Variants in CEP76 observed in about 807,000 individuals in gnomAD.
The protein encoded by CEP76 is centrosomal protein of 76 kDa.
In CEP76, 55 loss-of-function variants were observed where a neutral mutation model predicts 83.3. The ratio of observed to expected loss-of-function variants is 0.66; its 90% CI spans 0.53 to 0.83. The LOEUF (loss-of-function observed/expected upper bound fraction) is 0.83. Ranked by LOEUF, CEP76 falls within the 40% of genes least tolerant of loss-of-function variation. CEP76 has a pLI of 0.00. For missense variants in CEP76, 694 were observed against 799.5 expected (o/e 0.87, Z 1.59); for synonymous variants, 270 against 274.5 (o/e 0.98, Z 0.16).
chr18:12,694,994 C>T (rs1433359371), intron 6 of CEP76, among the ~76,000 whole-genome samples: 3 of 152,062 alleles, frequency 2.0e-5, no homozygotes, highest in African/African-American at 4.8e-5. Context: ...GGACTACAGG[C>T]GTGAGCCACC....
At chr18:12,671,642 CTTTTTTTTT>C (rs869130220), downstream of CEP76, among the ~76,000 whole-genome samples, 3 of 55,544 alleles carry the variant, frequency 5.4e-5, no homozygotes, top group South Asian at 5.5e-4. Context: ...TTCACACTTT[CTTTTTTTTT>C]TTTTTTTTTT....
rs1458387999 is a variant in CEP76, at chr18:12,674,637, T to C, written c.1740A>G (p.Gln580=). 2 of 1,614,006 alleles carry C rather than the reference T, an allele frequency of 1.2e-6. No individual in the cohort carries two copies. Among genetic ancestry groups the C allele is most frequent in the Non-Finnish European group, 1.7e-6 (2 of 1,179,930 alleles). ...CAGGTACAGCCCTTCTTATGGCATC[T>C]TGAAATTCTTCATTGCCTGCTGATA... is the stretch of plus-strand genomic sequence containing the variant. ...TSISAGNEEF[Q]DAIRRAVPDG... is the part of the protein sequence containing the mutation. Residue 580 remains glutamine, a synonymous_variant, in exon 11 of 12, where the codon CAA becomes CAG. Coordinates refer to ENST00000262127, the MANE Select transcript of CEP76 (RefSeq NM_024899.4).
chr18:12,681,255 CATT>C (rs1177514571), intron 8 of CEP76, among the ~76,000 whole-genome samples: 12 of 114,858 alleles, frequency 1.0e-4, no homozygotes, highest in Middle Eastern at 9.9e-3. Flanking sequence ...AAAAGTAGAA[CATT>C]TTTTTTTTTT....
intron 11 of CEP76, among the ~76,000 whole-genome samples, chr18:12,674,056 A>G (rs915198443): frequency 2.6e-5 from 4 of 152,138 alleles, no homozygotes; most frequent in Admixed American, 2.0e-4. Flanking sequence ...CTAGGGCTAC[A>G]TTTCAGACCA....
At chr18:12,662,349 A>T (rs1260793849) in intron 12 of CEP76, among the ~76,000 whole-genome samples, 1 of 152,228 alleles carries the variant, frequency 6.6e-6, no homozygotes, top group African/African-American at 2.4e-5. Flanking sequence ...TATCTTACAG[A>T]AGAGAAAATA....
intron 8 of CEP76, among the ~76,000 whole-genome samples, chr18:12,682,901 C>T (rs1247834994): frequency 6.6e-6 from 1 of 152,048 alleles, no homozygotes; most frequent in East Asian, 1.9e-4. Context: ...CGATTACAGG[C>T]ATGAGCCACT....
chr18:12,702,451 G>C, intron 1 of CEP76, 35 bp downstream of exon 1: 5 of 1,526,664 alleles, frequency 3.3e-6, no homozygotes, highest in Non-Finnish European at 4.5e-6. Flanking sequence ...TTATGGGTCG[G>C]CCCGGCGGTC....
At position 12,699,133 on chromosome 18, in the gene CEP76, C is replaced by G; in HGVS notation, c.366G>C (p.Leu122=). 1 of 1,613,992 alleles carries G rather than the reference C, an allele frequency of 6.2e-7. No individual in the cohort carries two copies. The highest frequency in any genetic ancestry group is 8.5e-7 in the Non-Finnish European group (1 of 1,179,930). The change falls in exon 4 of 12, where the codon CTG becomes CTC. Residue 122 remains leucine, a synonymous_variant. Coordinates refer to ENST00000262127, the MANE Select transcript of CEP76 (RefSeq NM_024899.4). ...VLGGKAFLEH[L]QEPEPLPGQV... is the part of the protein sequence containing the mutation. ...GTCCAGGTAAAGGCTCAGGTTCTTG[C>G]AGATGTTCCAAGAAAGCTTTTCCAC... is the stretch of plus-strand genomic sequence containing the variant.
chr18:12,678,076 G>A, intron 10 of CEP76, 33 bp downstream of exon 10: 2 of 1,527,354 alleles, frequency 1.3e-6, no homozygotes, highest in Non-Finnish European at 9.0e-7. Context: ...ATGAAAAGAA[G>A]TATGAAACTA....
At position 12,673,227 on chromosome 18, in the gene CEP76, T is replaced by A. The variant is rs1417933118; in HGVS notation, c.*138A>T. ...CATGATTTTTTTTAAACATTACCAG[T>A]CAAGTATATACAAAATTGAAGTATG... On this transcript the variant is annotated 3_prime_UTR_variant, in exon 12 of 12. Coordinates refer to ENST00000262127, the MANE Select transcript of CEP76 (RefSeq NM_024899.4). 3.6e-6 allele frequency: 5 copies of A among 1,407,454 alleles called. No homozygotes were observed. The highest frequency in any genetic ancestry group is 1.8e-6 in the Non-Finnish European group (2 of 1,081,688). 87.2% of individuals were successfully genotyped at this position (1,407,454 alleles called of 1,614,324 possible). A position where few individuals can be genotyped will look rare whatever the true frequency, so the allele number is the denominator to read the frequency against.
chr18:12,672,910 A>G lies in CEP76; in HGVS notation c.*455T>C. On this transcript the variant is annotated 3_prime_UTR_variant, in exon 12 of 12. Transcript: ENST00000262127. ...AATTCATTAACATTTATTTTCACCA[A>G]TGCAATAAATAAATCTGTCATGAGG... The G allele has an allele frequency of 2.0e-6, 2 of 984,132 alleles. No individual in the cohort carries two copies. Among genetic ancestry groups the G allele is most frequent in the African/African-American group, 1.7e-5 (1 of 57,340 alleles). 61.0% of individuals were successfully genotyped at this position (984,132 alleles called of 1,614,324 possible).
At chr18:12,677,227 T>C (rs1282165443) in intron 10 of CEP76, among the ~76,000 whole-genome samples, 3 of 151,908 alleles carry the variant, frequency 2.0e-5, no homozygotes, top group Non-Finnish European at 2.9e-5. Flanking sequence ...CTGAGGCAGG[T>C]AGATCACTTC....
rs1240084098 is a variant in CEP76, at chr18:12,686,255, A to G, written c.1122+7T>C. 1 of 1,608,752 alleles carries G rather than the reference A, an allele frequency of 6.2e-7. No homozygotes were observed. On this transcript the variant is annotated splice_region_variant and intron_variant, in intron 8 of 11. Coordinates refer to ENST00000262127, the MANE Select transcript of CEP76 (RefSeq NM_024899.4). The stretch of plus-strand genomic sequence containing the variant: ...TGCTACTTAATTCTATTATGTGTGT[A>G]TAATACCTTGTTTCTACAGAGAAAG...
At chr18:12,688,593 T>C (rs974946678) in intron 7 of CEP76, among the ~76,000 whole-genome samples, 1 of 152,218 alleles carries the variant, frequency 6.6e-6, no homozygotes, top group African/African-American at 2.4e-5. Context: ...TCTAATATTA[T>C]CTAAATATAT....
chr18:12,698,106 G>GA (rs1261263143), intron 4 of CEP76, among the ~76,000 whole-genome samples: 1 of 151,324 alleles, frequency 6.6e-6, no homozygotes, highest in African/African-American at 2.4e-5. Context: ...AGAAAAAAAA[G>GA]AAAAAATTAA....
intron 6 of CEP76, among the ~76,000 whole-genome samples, chr18:12,692,892 G>A (rs1056548885): frequency 2.0e-5 from 3 of 152,088 alleles, no homozygotes; most frequent in African/African-American, 7.2e-5. Flanking sequence ...GCATGATCAT[G>A]GCTCACTGTA....
downstream of CEP76, among the ~76,000 whole-genome samples, chr18:12,670,071 T>C (rs2038905529): frequency 6.6e-6 from 1 of 151,974 alleles, no homozygotes; most frequent in East Asian, 1.9e-4. Context: ...GGTCCATGCC[T>C]GTAATCCCGG....
At chr18:12,695,865 C>CAG (rs2039937540) in intron 5 of CEP76, among the ~76,000 whole-genome samples, 1 of 151,516 alleles carries the variant, frequency 6.6e-6, no homozygotes, top group Non-Finnish European at 1.5e-5. Flanking sequence ...CACACACACA[C>CAG]ACACACACAC....
rs1382186981 is a variant in CEP76 at position 12,686,263 on chromosome 18, T to G, written c.1121A>C (p.Lys374Thr). ...AATTCTATTATGTGTGTATAATACCTTGTTTCTACAGAGAAAGGCCAGCAG... is the reference window on the plus strand; with the variant it reads ...AATTCTATTATGTGTGTATAATACCGTGTTTCTACAGAGAAAGGCCAGCAG... ...CTLLAFLCRN[K>T]GDCEDHANLL... Residue 374 changes from lysine to threonine, a missense_variant and splice_region_variant, in exon 8 of 12, where the codon AAG (lysine) becomes ACG (threonine). Physicochemically the swap from Lys to Thr is moderately conservative, Grantham distance 78 (BLOSUM62 -1). Transcript: ENST00000262127. 3 of 1,610,096 alleles carry G rather than the reference T, an allele frequency of 1.9e-6. No individual in the cohort carries two copies. Among genetic ancestry groups the G allele is most frequent in the Non-Finnish European group, 2.5e-6 (3 of 1,176,870 alleles).
Sources: gnomAD v4.1 joint callset for allele counts (sites outside exome capture counted in the v4.1 genomes callset) on GRCh38, gnomAD v4.1.1 for gene constraint, MANE v1.5 for transcripts, NCBI Gene and HGNC (gene_info 2026-07-23, HGNC 2026-07-21) for gene names.